The following PITPNM2 variants were observed in gnomAD, a reference collection of about 807,000 sequenced individuals.
The protein encoded by PITPNM2 is membrane-associated phosphatidylinositol transfer protein 2.
A neutral mutation model predicts 132.2 loss-of-function variants in PITPNM2; 35 were observed. The observed-to-expected ratio is 0.26, with a 90% CI of 0.20 to 0.35. PITPNM2 has a LOEUF of 0.35. Among genes scored for constraint, PITPNM2 ranks in the 10% least tolerant of loss-of-function variants. The pLI is 1.00. For synonymous variants in PITPNM2, 738 were observed against 799.2 expected (o/e 0.92, Z 1.29); for missense variants, 1,332 against 1,912.0 (o/e 0.70, Z 5.66).
chr12:122,995,714 C>T (rs1385561257), intron 13 of PITPNM2, 54 bp from the exon 14 acceptor site: 1 of 1,508,620 alleles, frequency 6.6e-7, no homozygotes, highest in African/African-American at 1.4e-5. Flanking sequence ...CTGACCCCTT[C>T]TCCAGTGTCC....
intron 2 of PITPNM2, among the ~76,000 whole-genome samples, chr12:123,049,157 C>T (rs2040776531): frequency 6.6e-6 from 1 of 152,026 alleles, no homozygotes; most frequent in Non-Finnish European, 1.5e-5. Flanking sequence ...CACACACACA[C>T]ACACACACCC....
In PITPNM2 at chr12:123,005,239, C is replaced by T. The variant is rs1213479589; in HGVS notation, c.952+1G>A. 6.2e-7 allele frequency: 1 copy of T among 1,610,238 alleles called. No homozygotes were observed. The highest frequency in any genetic ancestry group is 8.5e-7 in the Non-Finnish European group (1 of 1,177,528). On this transcript the variant is annotated splice_donor_variant, in intron 7 of 25. Transcript: ENST00000320201. LOFTEE classifies it high-confidence loss of function. This position sits in a 1 kb window ranked among gnomAD's most constrained non-coding sequence, Gnocchi z 6.2. ...GGGTGGCAGGTGGCGCAGGGCCTTA[C>T]CTCCCCGCTTGGACGACCGAGACGA...
Position 122,992,474 on chromosome 12 carries a change from G to T in PITPNM2, c.2404+25C>A. The T allele has an allele frequency of 6.3e-7, 1 of 1,598,358 alleles. No individual in the cohort carries two copies. The highest frequency in any genetic ancestry group is 8.5e-7 in the Non-Finnish European group (1 of 1,173,188). On this transcript the variant is annotated intron_variant, in intron 16 of 25. Transcript: ENST00000320201. This position sits in a 1 kb window ranked among gnomAD's most constrained non-coding sequence, Gnocchi z 6.5. ...ACGCTTACCCCACCTTCCCCCAGAGGAGTGGGGCGGAATGTGCCTCTCACC... is the reference window on the plus strand; with the variant it reads ...ACGCTTACCCCACCTTCCCCCAGAGTAGTGGGGCGGAATGTGCCTCTCACC...
At chr12:123,016,778 G>A (rs1334610914) in intron 3 of PITPNM2, among the ~76,000 whole-genome samples, 1 of 152,186 alleles carries the variant, frequency 6.6e-6, no homozygotes, top group African/African-American at 2.4e-5. Context: ...AGGTGCGGTG[G>A]CTCACGCCTG....
chr12:123,101,993 G>A (rs1266015864), intron 2 of PITPNM2, among the ~76,000 whole-genome samples: 1 of 152,228 alleles, frequency 6.6e-6, no homozygotes, highest in East Asian at 1.9e-4. Context: ...CAGCCTGGGT[G>A]ACAGAGTGAT....
In PITPNM2 at chr12:123,117,296, C is replaced by G. The variant is rs6489254; in HGVS notation, c.-199-6808G>C. ...CTGGGGAATTTCTCCAGTGATCCTACGGAGTAAGCTGGCCATCAGATGATC... is the reference window on the plus strand; with the variant it reads ...CTGGGGAATTTCTCCAGTGATCCTAGGGAGTAAGCTGGCCATCAGATGATC... On this transcript the variant is annotated intron_variant, in intron 1 of 25. Coordinates refer to ENST00000320201, the MANE Select transcript of PITPNM2 (RefSeq NM_020845.3). The surrounding 1 kb of genome is among the most constrained non-coding windows in gnomAD (Gnocchi z 4.7). Among the ~76,000 whole-genome samples, 12,192 of 152,206 alleles carry G rather than the reference C, an allele frequency of 0.08. 1,596 individuals are homozygous for G. Among genetic ancestry groups the G allele is most frequent in the African/African-American group, 0.27 (11,372 of 41,466 alleles).
chr12:123,005,321 T>A lies in PITPNM2; in HGVS notation c.871A>T (p.Asn291Tyr), dbSNP rs1249167587. The A allele has an allele frequency of 6.2e-7, 1 of 1,613,862 alleles. No homozygotes were observed. Among genetic ancestry groups the A allele is most frequent in the African/African-American group, 1.3e-5 (1 of 74,886 alleles). The change falls in exon 7 of 26, where the codon AAT (asparagine) becomes TAT (tyrosine). Residue 291 changes from asparagine to tyrosine, a missense_variant. Transcript: ENST00000320201. This position sits in a 1 kb window ranked among gnomAD's most constrained non-coding sequence, Gnocchi z 6.2. The part of the protein sequence containing the change: ...SGEPPEPSSS[N>Y]GEPLVGRGLK... ...CCGCGCCCCACTAGGGGCTCCCCAT[T>A]GCTGCTGCTGGGCTCCGGGGGCTCC...
At position 123,151,066 on chromosome 12, in the gene PITPNM2, C is replaced by A. The variant is rs1273313794; in HGVS notation, c.-513G>T. ...GCTCTACGCCGCGGCGCCGCGGTGC[C>A]CCGCGCACCCCAGCGGCCGCTGCTG... On this transcript the variant is annotated 5_prime_UTR_variant, in exon 1 of 26. Coordinates refer to ENST00000320201, the MANE Select transcript of PITPNM2 (RefSeq NM_020845.3). Among the ~76,000 whole-genome samples the A allele has an allele frequency of 7.5e-5, 11 of 145,920 alleles. No individual in the cohort carries two copies. The highest frequency in any genetic ancestry group is 1.7e-4 in the Non-Finnish European group (11 of 65,668).
At chr12:123,147,514 C>T (rs1163062028) in intron 1 of PITPNM2, among the ~76,000 whole-genome samples, 1 of 151,978 alleles carries the variant, frequency 6.6e-6, no homozygotes, top group South Asian at 2.1e-4. Flanking sequence ...TTTCCAGAAG[C>T]CTTTTGTGAT....
At position 123,005,756 on chromosome 12, in the gene PITPNM2, G is replaced by A. The variant is rs2038900361; in HGVS notation, c.644-208C>T. ...CAGATAGTCTCACAAGCTCATAGTG[G>A]TTCTATAATTAGAGTGGAGGGGCCT... On this transcript the variant is annotated intron_variant, in intron 6 of 25. Coordinates refer to ENST00000320201, the MANE Select transcript of PITPNM2 (RefSeq NM_020845.3). The surrounding 1 kb of genome is among the most constrained non-coding windows in gnomAD (Gnocchi z 6.2). 6.8e-6 allele frequency: 4 copies of A among 584,024 alleles called. No homozygotes were observed. Among genetic ancestry groups the A allele is most frequent in the South Asian group, 6.8e-5 (3 of 44,052 alleles). The allele number at this position is 584,024 out of a possible 1,614,324, so 36.2% of individuals were successfully genotyped here. A position where few individuals can be genotyped will look rare whatever the true frequency, so the allele number is the denominator to read the frequency against.
rs368394366 is a variant in PITPNM2, at chr12:122,988,216, C to T, written c.2997+18G>A. The stretch of plus-strand genomic sequence containing the variant: ...CAGGGTGACATCGTGGGGGCCTGGG[C>T]GCCCGGGGGACCCTCACCCGCAGCT... On this transcript the variant is annotated intron_variant, in intron 20 of 25. Transcript: ENST00000320201. 221 of 1,604,614 alleles carry T rather than the reference C, an allele frequency of 1.4e-4. No homozygotes were observed. The African/African-American group carries it at 1.5e-3, about 11-fold the overall frequency.
chr12:123,091,729 T>A (rs1475317538), intron 2 of PITPNM2: 1 of 152,176 alleles, frequency 6.6e-6, no homozygotes, highest in East Asian at 1.9e-4. Flanking sequence ...GAAAGCACCT[T>A]CCCGCTGTCA....
intron 3 of PITPNM2, among the ~76,000 whole-genome samples, chr12:123,018,005 T>TTCCTTCCC (rs2039498167): frequency 2.2e-5 from 3 of 135,584 alleles, no homozygotes; most frequent in Non-Finnish European, 4.7e-5. Context: ...CCTTCCTTCC[T>TTCCTTCCC]TCCTTCCTTC....
chr12:122,997,196 A>C (rs940502372), intron 11 of PITPNM2, 129 bp downstream of exon 11: 10 of 1,391,896 alleles, frequency 7.2e-6, no homozygotes, highest in Non-Finnish European at 9.8e-6. Flanking sequence ...ACCTCCAGGT[A>C]GAAGGGGCTG....
intron 2 of PITPNM2, among the ~76,000 whole-genome samples, chr12:123,109,577 T>C (rs1332861158): frequency 6.6e-6 from 1 of 152,230 alleles, no homozygotes; most frequent in African/African-American, 2.4e-5. Flanking sequence ...CCACTGACCA[T>C]GACTTGCGGG....
intron 2 of PITPNM2, among the ~76,000 whole-genome samples, chr12:123,067,838 G>A (rs2041478481): frequency 6.6e-6 from 1 of 152,200 alleles, no homozygotes; most frequent in African/African-American, 2.4e-5. Context: ...ATATAGGTCA[G>A]CTAGTGTCTC....
intron 1 of PITPNM2, among the ~76,000 whole-genome samples, chr12:123,145,768 T>G (rs1258136569): frequency 6.6e-6 from 1 of 152,186 alleles, no homozygotes; most frequent in Non-Finnish European, 1.5e-5. Context: ...TGCTTGAACC[T>G]GGGAGTTCCA....
At chr12:122,996,633 CT>C in intron 12 of PITPNM2, 56 bp from the exon 13 acceptor site, 1 of 1,611,720 alleles carries the variant, frequency 6.2e-7, no homozygotes, top group Non-Finnish European at 8.5e-7. Context: ...GGACTATAGG[CT>C]GGGGAGGCCG....
At chr12:122,999,879 C>G (rs960221228) in intron 10 of PITPNM2, among the ~76,000 whole-genome samples, 2 of 152,206 alleles carry the variant, frequency 1.3e-5, no homozygotes, top group Non-Finnish European at 2.9e-5. Context: ...GAGCCCCAGG[C>G]CCCTTCTGCC....
Sources: allele counts gnomAD v4.1 joint callset (sites outside exome capture counted in the v4.1 genomes callset), GRCh38; gene constraint gnomAD v4.1.1; non-coding constraint Gnocchi (gnomAD v3.1); transcripts MANE v1.5; gene names NCBI Gene and HGNC (gene_info 2026-07-23, HGNC 2026-07-21).